SMUG1: variants seen among roughly 807,000 people sequenced by gnomAD.
SMUG1 encodes the protein single-strand selective monofunctional uracil DNA glycosylase.
SMUG1 carries 13 observed loss-of-function variants against 23.9 expected under a neutral mutation model. That is an observed-to-expected ratio of 0.54 (90% confidence interval 0.35 to 0.86). The LOEUF (loss-of-function observed/expected upper bound fraction) is 0.86, where lower values mean the gene tolerates loss of function less well. Ranked by LOEUF, SMUG1 falls within the 40% of genes least tolerant of loss-of-function variation. SMUG1 has a pLI of 0.01. For missense variants in SMUG1, 313 were observed against 339.5 expected (o/e 0.92, Z 0.61); for synonymous variants, 133 against 139.8 (o/e 0.95, Z 0.34).
chr12:54,161,529 AC>A (rs1356110122), downstream of SMUG1, among the ~76,000 whole-genome samples: 2 of 148,684 alleles, frequency 1.3e-5, no homozygotes, highest in Admixed American at 1.3e-4. The surrounding 1 kb of genome is among the most constrained non-coding windows in gnomAD (Gnocchi z 4.2). Context: ...TAATTCCCAC[AC>A]CCCTCCTCTT....
chr12:54,163,984 G>A (rs955331820), downstream of SMUG1, among the ~76,000 whole-genome samples: 3 of 152,160 alleles, frequency 2.0e-5, no homozygotes, highest in African/African-American at 7.2e-5. Context: ...ATAACTGACA[G>A]GAAAGTGCTT....
intron 3 of SMUG1, 159 bp downstream of exon 3, chr12:54,183,497 C>T: frequency 1.4e-6 from 1 of 703,900 alleles, no homozygotes; most frequent in Non-Finnish European, 2.4e-6. Flanking sequence ...TGGGAGAGGG[C>T]CTCGGACCAC....
At chr12:54,175,039 G>A (rs1268345302) in intron 2 of SMUG1, 1 of 152,254 alleles carries the variant, frequency 6.6e-6, no homozygotes, top group Non-Finnish European at 1.5e-5. Context: ...GATGGTCACA[G>A]CTGGGAAGTT....
Position 54,182,566 on chromosome 12 carries a change from G to A in SMUG1, c.343C>T (p.Leu115=). 6.2e-7 allele frequency: 1 copy of A among 1,614,110 alleles called. No individual in the cohort carries two copies. The change falls in exon 4 of 4, where the codon CTG becomes TTG. Residue 115 remains leucine, a synonymous_variant. Coordinates refer to ENST00000682136, the MANE Select transcript of SMUG1 (RefSeq NM_001243787.2). ...RDWLGIVGPV[L]TPPQEHPKRP... is the part of the protein sequence containing the mutation. Reference sequence around the variant, plus strand: ...TTAGGATGCTCTTGGGGAGGGGTCAGCACAGGCCCCACAATGCCCAACCAG... The same window carrying A: ...TTAGGATGCTCTTGGGGAGGGGTCAACACAGGCCCCACAATGCCCAACCAG...
chr12:54,159,966 G>A (rs932112043), downstream of SMUG1, among the ~76,000 whole-genome samples: 8 of 152,226 alleles, frequency 5.3e-5, no homozygotes, highest in Non-Finnish European at 8.8e-5. Context: ...GTGTGCACAG[G>A]CTCATGTTCA....
At chr12:54,171,672 C>A (rs1344975051) in intron 3 of SMUG1, among the ~76,000 whole-genome samples, 3 of 114,410 alleles carry the variant, frequency 2.6e-5, no homozygotes, top group African/African-American at 1.1e-4. Context: ...GGCAACAGAG[C>A]TAGAGTCTTG....
chr12:54,182,635 G>A lies in SMUG1; in HGVS notation c.286-12C>T, dbSNP rs977548848. ...TCCCCAAAGGGCACCTGTGAGGAAG[G>A]AGAGAGACATGAAAGGCTTCAAACT... On this transcript the variant is annotated splice_polypyrimidine_tract_variant and intron_variant, in intron 3 of 3. Transcript: ENST00000682136. 8 of 1,596,294 alleles carry A rather than the reference G, an allele frequency of 5.0e-6. No individual in the cohort carries two copies. Among genetic ancestry groups the A allele is most frequent in the African/African-American group, 2.7e-5 (2 of 74,224 alleles).
At chr12:54,172,036 A>G (rs1592351554) in exon 3 of SMUG1, 4 of 453,748 alleles carry the variant, frequency 8.8e-6, no homozygotes, top group South Asian at 4.7e-5. Flanking sequence ...TGATACTGCA[A>G]TCAGCTCCTG....
chr12:54,163,966 CA>C (rs922778875), downstream of SMUG1, among the ~76,000 whole-genome samples: 5 of 151,958 alleles, frequency 3.3e-5, no homozygotes. Flanking sequence ...GCCCTGAATC[CA>C]AGCAGTATAA....
At chr12:54,188,276 TAATAATAATAATAATAATA>T (rs1223324262) in intron 1 of SMUG1, among the ~76,000 whole-genome samples, 190 of 29,626 alleles carry the variant, frequency 6.4e-3, no homozygotes, top group East Asian at 0.017. Flanking sequence ...GAAATAATAA[TAATAATAATAATAATAATA>T]AATAATAATA....
intron 3 of SMUG1, among the ~76,000 whole-genome samples, chr12:54,166,489 C>T (rs1940469390): frequency 6.6e-6 from 1 of 152,156 alleles, no homozygotes; most frequent in Admixed American, 6.5e-5. Context: ...CAGTGATAGC[C>T]CTGTCCCCAA....
chr12:54,158,870 T>C (rs1940133067), intron 4 of SMUG1, among the ~76,000 whole-genome samples: 1 of 152,230 alleles, frequency 6.6e-6, no homozygotes, highest in Non-Finnish European at 1.5e-5. Context: ...TCCACCTTTC[T>C]GTCTTTTGCT....
chr12:54,164,332 ACTGGAGTCCAGGTGG>A (rs1940370729), downstream of SMUG1: 1 of 149,302 alleles, frequency 6.7e-6, no homozygotes, highest in Admixed American at 6.7e-5. Context: ...GAAGGGGAAG[ACTGGAGTCCAGGTGG>A]CTGCAGGGAG....
intron 4 of SMUG1, chr12:54,164,908 T>C (rs1565798957): frequency 1.3e-5 from 2 of 152,328 alleles, no homozygotes; most frequent in East Asian, 3.9e-4. Context: ...CCCTGTTTAT[T>C]ATCATCAAAC....
downstream of SMUG1, chr12:54,164,717 C>G (rs1457840866): frequency 1.3e-5 from 2 of 152,302 alleles, no homozygotes; most frequent in African/African-American, 2.4e-5. Flanking sequence ...AGAACAGAAC[C>G]CAGGGGTCCA....
intron 3 of SMUG1, chr12:54,168,276 T>C (rs565781622): frequency 6.6e-6 from 1 of 152,342 alleles, no homozygotes; most frequent in African/African-American, 2.4e-5. Context: ...TTCATCATTC[T>C]CTTTTTCAGA....
In SMUG1 at chr12:54,183,874, A is replaced by T. The variant is rs3087405; in HGVS notation, c.67T>A (p.Cys23Ser). 1.2e-4 allele frequency: 199 copies of T among 1,610,984 alleles called. 2 individuals are homozygous for T. The African/African-American group carries it at 2.1e-3, about 17-fold the overall frequency. Residue 23 changes from cysteine to serine, a missense_variant, in exon 3 of 4, where the codon TGC (cysteine) becomes AGC (serine). Coordinates refer to ENST00000682136, the MANE Select transcript of SMUG1 (RefSeq NM_001243787.2). ...AAGCTCTCAGCCAAGCTTCCAGGGCAGGGCTGGGGCTCCATGAGGGCACCT... is the reference window on the plus strand; with the variant it reads ...AAGCTCTCAGCCAAGCTTCCAGGGCTGGGCTGGGGCTCCATGAGGGCACCT... ...PAGALMEPQPCPGSLAESFLE... is the reference protein window; with the variant it reads ...PAGALMEPQPSPGSLAESFLE...
At chr12:54,186,877 T>C (rs1942603809) in intron 2 of SMUG1, 1 of 152,336 alleles carries the variant, frequency 6.6e-6, no homozygotes, top group Non-Finnish European at 1.5e-5. Flanking sequence ...TCTTTTTCAC[T>C]TTTGTTTAAA....
chr12:54,163,281 A>G (rs1024102075), downstream of SMUG1: 2 of 152,226 alleles, frequency 1.3e-5, no homozygotes, highest in African/African-American at 4.8e-5. Flanking sequence ...CCTGAAGCCA[A>G]AGTGCCTGGG....
Sources: gnomAD v4.1 joint callset for allele counts (sites outside exome capture counted in the v4.1 genomes callset) on GRCh38, gnomAD v4.1.1 for gene constraint, Gnocchi (gnomAD v3.1) non-coding constraint, MANE v1.5 for transcripts, NCBI Gene and HGNC (gene_info 2026-07-23, HGNC 2026-07-21) for gene names.